The following SYNE2 variants were observed in gnomAD, a reference collection of about 807,000 sequenced individuals.
The protein encoded by SYNE2 is spectrin repeat containing nuclear envelope protein 2, also known as nesprin-2.
Under a neutral mutation model 856.3 loss-of-function variants are expected in SYNE2, and 431 were observed. The observed-to-expected ratio is 0.50, with a 90% confidence interval of 0.47 to 0.55. SYNE2 has a LOEUF of 0.55. SYNE2 is among the 20% of genes least tolerant of loss of function. The pLI is 0.00. For synonymous variants in SYNE2, 2,923 were observed against 2,872.3 expected, an observed-to-expected ratio of 1.02 and a Z score of -0.56; for missense variants, 8,129 against 8,023.2, an observed-to-expected ratio of 1.01 and a Z score of -0.50.
intron 45 of SYNE2, among the ~76,000 whole-genome samples, chr14:64,043,678 GC>G (rs1315896594): frequency 1.3e-5 from 2 of 152,212 alleles, no homozygotes; most frequent in African/African-American, 4.8e-5. Context: ...GTGGTGTTGA[GC>G]CTGTGGGTAC....
At chr14:64,188,780 C>T (rs747229658) in intron 98 of SYNE2, 72 bp downstream of exon 98, 2 of 1,476,830 alleles carry the variant, frequency 1.4e-6, no homozygotes, top group Non-Finnish European at 1.9e-6. Context: ...CTCCTAAGCC[C>T]AAACAGGGGC....
chr14:63,763,491 C>T (rs1886567136), intron 1 of SYNE2, among the ~76,000 whole-genome samples: 1 of 151,558 alleles, frequency 6.6e-6, no homozygotes. Flanking sequence ...AGGAGGATTG[C>T]TTGGGGCCAG....
chr14:63,974,892 G>GTATATATATATATATATATATATATA (rs145247655), intron 11 of SYNE2, among the ~76,000 whole-genome samples: 84 of 67,262 alleles, frequency 1.2e-3, no homozygotes, highest in Non-Finnish European at 2.1e-3. Context: ...GTGTGTGTGT[G>GTATATATATATATATATATATATATA]TATATATATA....
chr14:63,931,473 C>G (rs781772445), intron 2 of SYNE2, among the ~76,000 whole-genome samples: 2 of 151,088 alleles, frequency 1.3e-5, no homozygotes, highest in Non-Finnish European at 2.9e-5. Context: ...TCACTTGAAC[C>G]TGGGAGGCGG....
At chr14:64,127,068 C>G (rs1315876762) in intron 73 of SYNE2, among the ~76,000 whole-genome samples, 1 of 152,150 alleles carries the variant, frequency 6.6e-6, no homozygotes, top group Non-Finnish European at 1.5e-5. Flanking sequence ...TGAGACCATC[C>G]TGGCCAACAT....
At chr14:63,993,793 T>C (rs1251086983) in intron 21 of SYNE2, 42 bp from the exon 22 acceptor site, 6 of 1,571,682 alleles carry the variant, frequency 3.8e-6, no homozygotes, top group Non-Finnish European at 5.2e-6. Flanking sequence ...GGCAGTAGAA[T>C]GAGGCTTTTA....
intron 1 of SYNE2, among the ~76,000 whole-genome samples, chr14:63,866,690 A>ACTGGCTGGG (rs1387401680): frequency 3.9e-5 from 6 of 152,206 alleles, no homozygotes; most frequent in African/African-American, 1.4e-4. Flanking sequence ...AATAAGAATC[A>ACTGGCTGGG]CTGGCTGGGC....
At chr14:63,848,249 T>C (rs1425463523), upstream of SYNE2, 5 of 152,194 alleles carry the variant, frequency 3.3e-5, no homozygotes, top group Non-Finnish European at 5.9e-5. Context: ...TATGTTATTA[T>C]TTATTTATTT....
At chr14:64,095,425 T>G (rs1272562690) in intron 61 of SYNE2, among the ~76,000 whole-genome samples, 2 of 152,234 alleles carry the variant, frequency 1.3e-5, no homozygotes, top group African/African-American at 4.8e-5. Context: ...AATGCATGAT[T>G]TTATAACATC....
Position 64,049,955 on chromosome 14 carries a change from A to G in SYNE2, c.7643+79A>G, listed in dbSNP as rs993666725. 2.0e-6 allele frequency: 3 copies of G among 1,518,322 alleles called. No homozygotes were observed. In the African/African-American group the frequency reaches 4.2e-5, roughly 21 times the overall value. 94.1% of individuals were successfully genotyped at this position (1,518,322 alleles called of 1,614,324 possible). A position where few individuals can be genotyped will look rare whatever the true frequency, so the allele number is the denominator to read the frequency against. On this transcript the variant is annotated intron_variant, in intron 47 of 115. Transcript: ENST00000555002. Reference sequence around the variant, plus strand: ...CCACCTTGGACAGGCCCAGGGTTTTAAGAGTTTATATTGTGAAAGGAAATT... The same window carrying G: ...CCACCTTGGACAGGCCCAGGGTTTTGAGAGTTTATATTGTGAAAGGAAATT...
intron 98 of SYNE2, among the ~76,000 whole-genome samples, chr14:64,189,205 G>A (rs534851240): frequency 6.6e-6 from 1 of 152,058 alleles, no homozygotes; most frequent in African/African-American, 2.4e-5. Context: ...GTGGTGGTGG[G>A]CACCTGTAAT....
At chr14:63,867,580 C>T (rs1297616153) in intron 1 of SYNE2, among the ~76,000 whole-genome samples, 2 of 152,056 alleles carry the variant, frequency 1.3e-5, no homozygotes, top group East Asian at 3.9e-4. Flanking sequence ...TACCTGTAGT[C>T]CCAGCTACTG....
chr14:64,211,898 GCTGT>G, intron 103 of SYNE2, 59 bp from the exon 104 acceptor site: 3 of 1,612,262 alleles, frequency 1.9e-6, no homozygotes, highest in Non-Finnish European at 2.5e-6. Context: ...AGGTGGCCTT[GCTGT>G]CTGTCTGAAC....
intron 2 of SYNE2, among the ~76,000 whole-genome samples, chr14:63,922,796 A>G (rs1180179646): frequency 6.6e-5 from 10 of 152,232 alleles, no homozygotes; most frequent in Non-Finnish European, 1.5e-4. Flanking sequence ...AAAGTGAGAT[A>G]TGTGAAGCCC....
intron 1 of SYNE2, among the ~76,000 whole-genome samples, chr14:63,791,744 C>T (rs1887738463): frequency 6.6e-6 from 1 of 151,944 alleles, no homozygotes; most frequent in South Asian, 2.1e-4. Flanking sequence ...GAGATTGAGA[C>T]CATCCTGGCT....
intron 78 of SYNE2, among the ~76,000 whole-genome samples, chr14:64,134,890 G>A (rs1352168033): frequency 2.0e-5 from 3 of 152,148 alleles, no homozygotes; most frequent in Admixed American, 6.5e-5. Flanking sequence ...GGGAGGCTGA[G>A]GCAGGAGAAT....
chr14:64,031,033 C>G lies in SYNE2; in HGVS notation c.6897C>G (p.Leu2299=). The change falls in exon 45 of 116, where the codon CTC becomes CTG. Residue 2299 remains leucine (L), a synonymous_variant. Transcript: ENST00000555002. ...ACTCGTAGGAACTAGAGAATAGACT[C>G]AGTTTACAAGATGGCACATTAAAGA... The part of the protein sequence containing the change: ...LQKLQELENR[L]SLQDGTLKKI... The G allele has an allele frequency of 1.9e-6, 3 of 1,613,694 alleles. No individual in the cohort carries two copies. Among genetic ancestry groups the G allele is most frequent in the Non-Finnish European group, 2.5e-6 (3 of 1,179,776 alleles).
intron 66 of SYNE2, among the ~76,000 whole-genome samples, chr14:64,116,778 G>A (rs1274679071): frequency 6.6e-6 from 1 of 152,100 alleles, no homozygotes; most frequent in Non-Finnish European, 1.5e-5. Flanking sequence ...AATTATAGAA[G>A]CATTGATTAC....
At chr14:63,800,315 C>A (rs929008932) in intron 1 of SYNE2, among the ~76,000 whole-genome samples, 1 of 152,034 alleles carries the variant, frequency 6.6e-6, no homozygotes, top group Non-Finnish European at 1.5e-5. Context: ...CTGCCTCCCA[C>A]GTTCAAGTGA....
Sources: allele counts gnomAD v4.1 joint callset (sites outside exome capture counted in the v4.1 genomes callset), GRCh38; gene constraint gnomAD v4.1.1; transcripts MANE v1.5; gene names NCBI Gene and HGNC (gene_info 2026-07-23, HGNC 2026-07-21).